Variants in TMEM117 observed in about 807,000 individuals in gnomAD.
TMEM117 encodes the protein transmembrane protein 117.
In TMEM117, 27 loss-of-function variants were observed where a neutral mutation model predicts 52.4. That is an observed-to-expected ratio of 0.51 (90% CI 0.38 to 0.71). TMEM117 has a LOEUF of 0.71. Ranked by LOEUF, TMEM117 falls within the 30% of genes least tolerant of loss-of-function variation. TMEM117 has a pLI of 0.00. For missense variants in TMEM117, 556 were observed against 630.5 expected (o/e 0.88, Z 1.26); for synonymous variants, 215 against 206.3 (o/e 1.04, Z -0.36).
At chr12:43,881,366 G>A (rs764010171) in intron 2 of TMEM117, among the ~76,000 whole-genome samples, 1 of 152,180 alleles carries the variant, frequency 6.6e-6, no homozygotes, top group African/African-American at 2.4e-5. Flanking sequence ...ACCCAGGCTG[G>A]AGTGCAGTGA....
At chr12:43,873,520 A>G (rs928486119) in intron 2 of TMEM117, among the ~76,000 whole-genome samples, 3 of 152,146 alleles carry the variant, frequency 2.0e-5, no homozygotes, top group Non-Finnish European at 4.4e-5. Flanking sequence ...AAACACATTT[A>G]GCTATCTTCT....
intron 3 of TMEM117, among the ~76,000 whole-genome samples, chr12:44,131,424 G>A (rs953078587): frequency 1.3e-5 from 2 of 152,164 alleles, no homozygotes; most frequent in East Asian, 3.9e-4. Context: ...ATATTTCTAA[G>A]TGTTCTCTGT....
At chr12:43,803,909 CAAT>C in the TMEM117 span, among the ~76,000 whole-genome samples, 1 of 152,042 alleles carries the variant, frequency 6.6e-6, no homozygotes, top group Non-Finnish European at 1.5e-5. Flanking sequence ...GTACCTATAA[CAAT>C]AATTGTTCAA....
intron 2 of TMEM117, among the ~76,000 whole-genome samples, chr12:43,847,569 A>G (rs1019856134): frequency 6.6e-6 from 1 of 152,226 alleles, no homozygotes; most frequent in African/African-American, 2.4e-5. Flanking sequence ...GCTGATTATC[A>G]TGAAGATTGT....
chr12:44,104,874 G>A (rs1316708580), intron 3 of TMEM117, among the ~76,000 whole-genome samples: 2 of 151,782 alleles, frequency 1.3e-5, no homozygotes, highest in African/African-American at 4.8e-5. Flanking sequence ...TGTAGGTAAG[G>A]TATTTTTTTC....
intron 3 of TMEM117, among the ~76,000 whole-genome samples, chr12:43,990,097 A>G (rs1388197380): frequency 6.6e-6 from 1 of 152,174 alleles, no homozygotes; most frequent in African/African-American, 2.4e-5. Context: ...TGCCTTAGGA[A>G]ATATTAATTA....
At chr12:43,992,795 A>G (rs1328562450) in intron 3 of TMEM117, among the ~76,000 whole-genome samples, 1 of 152,136 alleles carries the variant, frequency 6.6e-6, no homozygotes, top group Admixed American at 6.5e-5. Context: ...TCGACTCATC[A>G]TTCAAGGTTT....
intron 6 of TMEM117, among the ~76,000 whole-genome samples, chr12:44,351,241 T>C (rs1337482771): frequency 6.6e-6 from 1 of 152,036 alleles, no homozygotes. Flanking sequence ...GAGCTCTTTA[T>C]ATATTTTGGT....
chr12:44,041,393 T>G (rs995723152), intron 3 of TMEM117, among the ~76,000 whole-genome samples: 4 of 151,990 alleles, frequency 2.6e-5, no homozygotes, highest in African/African-American at 9.7e-5. Flanking sequence ...TTTCAAAGAA[T>G]CTGTATCATG....
At chr12:43,992,739 A>G (rs999786379) in intron 3 of TMEM117, among the ~76,000 whole-genome samples, 6 of 152,178 alleles carry the variant, frequency 3.9e-5, no homozygotes, top group African/African-American at 1.4e-4. Flanking sequence ...CTGTGGCACA[A>G]GTTGCATTAT....
chr12:44,130,131 T>C (rs1948390096), intron 3 of TMEM117, among the ~76,000 whole-genome samples: 1 of 152,354 alleles, frequency 6.6e-6, no homozygotes, highest in East Asian at 1.9e-4. Flanking sequence ...GTTGAAACTT[T>C]GTTATACTAA....
chr12:43,874,027 T>C (rs534219524), intron 2 of TMEM117, among the ~76,000 whole-genome samples: 1 of 152,296 alleles, frequency 6.6e-6, no homozygotes, highest in East Asian at 1.9e-4. Flanking sequence ...TGTTATATTC[T>C]AGTCTTACAT....
intron 3 of TMEM117, among the ~76,000 whole-genome samples, chr12:43,969,085 A>G (rs568503569): frequency 6.6e-6 from 1 of 151,292 alleles, no homozygotes; most frequent in South Asian, 2.1e-4. Flanking sequence ...AAAGCACAAC[A>G]GAGCCATAGA....
intron 6 of TMEM117, among the ~76,000 whole-genome samples, chr12:44,323,408 T>G (rs1360556874): frequency 6.6e-6 from 1 of 152,140 alleles, no homozygotes; most frequent in African/African-American, 2.4e-5. Flanking sequence ...ACATACCCTA[T>G]TGCTCTTTTT....
At chr12:43,954,270 A>G (rs1945271739) in intron 3 of TMEM117, among the ~76,000 whole-genome samples, 1 of 152,190 alleles carries the variant, frequency 6.6e-6, no homozygotes, top group African/African-American at 2.4e-5. Flanking sequence ...AACAAATCTC[A>G]TAGTTAGCAG....
chr12:44,079,857 A>T (rs1269126098), intron 3 of TMEM117, among the ~76,000 whole-genome samples: 1 of 151,956 alleles, frequency 6.6e-6, no homozygotes, highest in Non-Finnish European at 1.5e-5. Flanking sequence ...CTCTACTAAA[A>T]ATAAAAAAAA....
the TMEM117 span, among the ~76,000 whole-genome samples, chr12:43,798,344 C>T: frequency 2.0e-5 from 3 of 152,054 alleles, no homozygotes; most frequent in Admixed American, 6.6e-5. Flanking sequence ...TTACTAAGAA[C>T]ATGGTGTGCA....
intron 2 of TMEM117, among the ~76,000 whole-genome samples, chr12:43,865,738 A>G (rs928050594): frequency 6.7e-6 from 1 of 149,520 alleles, no homozygotes; most frequent in East Asian, 1.9e-4. Context: ...ATATAGACTC[A>G]TACATACCAA....
At chr12:43,947,739 C>T (rs535424705) in intron 3 of TMEM117, among the ~76,000 whole-genome samples, 60 of 152,280 alleles carry the variant, frequency 3.9e-4, no homozygotes, top group African/African-American at 1.4e-3. Flanking sequence ...TCTAGGAATA[C>T]GGGCCTAGAA....
Sources: gnomAD v4.1 joint callset for allele counts (sites outside exome capture counted in the v4.1 genomes callset) on GRCh38, gnomAD v4.1.1 for gene constraint, MANE v1.5 for transcripts, NCBI Gene and HGNC (gene_info 2026-07-23, HGNC 2026-07-21) for gene names.